Variants in NDST1 observed in about 807,000 individuals in gnomAD.
NDST1 encodes N-deacetylase and N-sulfotransferase 1.
NDST1 carries 35 observed loss-of-function variants against 92.8 expected under a neutral mutation model. The ratio of observed to expected loss-of-function variants is 0.38; its 90% CI spans 0.29 to 0.50. The LOEUF (loss-of-function observed/expected upper bound fraction) is 0.50, where lower values mean the gene tolerates loss of function less well. NDST1 is among the 20% of genes least tolerant of loss of function. NDST1 has a pLI of 0.94. For missense variants in NDST1, 822 were observed against 1,182.7 expected (o/e 0.69, Z 4.47); for synonymous variants, 493 against 500.3 (o/e 0.99, Z 0.19).
At chr5:150,537,883 C>G (rs1429209336) in intron 6 of NDST1, among the ~76,000 whole-genome samples, 1 of 152,202 alleles carries the variant, frequency 6.6e-6, no homozygotes, top group Admixed American at 6.5e-5. Flanking sequence ...CTTTATTTCT[C>G]AGACTGACAG....
chr5:150,507,301 G>A (rs527579255), upstream of NDST1, among the ~76,000 whole-genome samples: 9 of 151,834 alleles, frequency 5.9e-5, no homozygotes, highest in Non-Finnish European at 1.2e-4. Context: ...CTCAGAGCCT[G>A]CAGTTCTACT....
intron 4 of NDST1, 85 bp downstream of exon 4, chr5:150,533,117 G>A: frequency 7.4e-7 from 1 of 1,358,648 alleles, no homozygotes. Context: ...CATGAGGGCA[G>A]CGGGTGGGTT....
intron 1 of NDST1, among the ~76,000 whole-genome samples, chr5:150,511,041 A>C (rs943259539): frequency 2.0e-5 from 3 of 151,824 alleles, no homozygotes; most frequent in African/African-American, 7.3e-5. Flanking sequence ...GTTCCCATTC[A>C]CCCCCTTATT....
intron 5 of NDST1, 55 bp downstream of exon 5, chr5:150,535,076 G>A (rs1237551160): frequency 3.2e-6 from 5 of 1,574,376 alleles, no homozygotes; most frequent in African/African-American, 1.3e-5. Flanking sequence ...TGGGCTGGAG[G>A]TCCAGACTGC....
chr5:150,504,836 G>T (rs2151240273), upstream of NDST1, among the ~76,000 whole-genome samples: 1 of 152,316 alleles, frequency 6.6e-6, no homozygotes, highest in South Asian at 2.1e-4. Context: ...CTCAGAAATG[G>T]TCATCATTGT....
intron 1 of NDST1, among the ~76,000 whole-genome samples, chr5:150,509,322 T>G (rs1465258843): frequency 6.6e-6 from 1 of 152,164 alleles, no homozygotes; most frequent in Non-Finnish European, 1.5e-5. Flanking sequence ...TTGTTTTTAC[T>G]TCACTGGGCA....
rs1755794023 is a variant in NDST1, at chr5:150,553,129, C to G, written c.2530-84C>G. The G allele has an allele frequency of 1.4e-6, 2 of 1,463,820 alleles. No individual in the cohort carries two copies. Among genetic ancestry groups the G allele is most frequent in the Non-Finnish European group, 1.9e-6 (2 of 1,060,892 alleles). The allele number at this position is 1,463,820 out of a possible 1,614,324, so 90.7% of individuals were successfully genotyped here. A position where few individuals can be genotyped will look rare whatever the true frequency, so the allele number is the denominator to read the frequency against. Reference sequence around the variant, plus strand: ...GTGCTGGGATTACAGGCATGAGCCACCGTGCCCGGCCGAGCATGGCGATTT... The same window carrying G: ...GTGCTGGGATTACAGGCATGAGCCAGCGTGCCCGGCCGAGCATGGCGATTT... On this transcript the variant is annotated intron_variant, in intron 14 of 14. Transcript: ENST00000261797. This position sits in a 1 kb window ranked among gnomAD's most constrained non-coding sequence, Gnocchi z 4.2.
chr5:150,517,863 C>T (rs1754052203), intron 1 of NDST1, among the ~76,000 whole-genome samples: 1 of 152,260 alleles, frequency 6.6e-6, no homozygotes, highest in Non-Finnish European at 1.5e-5. Context: ...CCTCCGCTTC[C>T]ATGGGATTGG....
intron 1 of NDST1, among the ~76,000 whole-genome samples, chr5:150,509,817 C>G (rs1345412966): frequency 2.0e-5 from 3 of 152,180 alleles, no homozygotes; most frequent in Admixed American, 6.5e-5. Context: ...CCGCCATCCC[C>G]CTTTCTTATA....
intron 1 of NDST1, among the ~76,000 whole-genome samples, chr5:150,499,715 G>A (rs868282536): frequency 3.3e-5 from 5 of 152,182 alleles, no homozygotes; most frequent in Non-Finnish European, 7.3e-5. Context: ...CTCTGCCTGC[G>A]TAGCCACTGA....
At chr5:150,541,200 A>G (rs1462595245) in intron 8 of NDST1, among the ~76,000 whole-genome samples, 1 of 152,244 alleles carries the variant, frequency 6.6e-6, no homozygotes, top group African/African-American at 2.4e-5. Context: ...AGTAGTTGCA[A>G]TGGAAACTTC....
At chr5:150,532,832 T>G in intron 3 of NDST1, 113 bp from the exon 4 acceptor site, 3 of 1,002,122 alleles carry the variant, frequency 3.0e-6, no homozygotes, top group Admixed American at 1.7e-5. Context: ...GTCCTTGACA[T>G]TCTTTATAAT....
In NDST1 at chr5:150,528,057, C is replaced by T; in HGVS notation, c.767C>T (p.Ala256Val). Residue 256 changes from alanine (A) to valine (V), a missense_variant, in exon 3 of 15, where the codon GCC becomes GTC. Physicochemically the swap from Ala to Val is moderately conservative, Grantham distance 64 (BLOSUM62 0). Transcript: ENST00000261797. ...TCCATCCCACACCTGGGCGCAGACG[C>T]CGGCCTGCATGCTGCACTGCACGCC... ...SESIPHLGAD[A>V]GLHAALHATV... 2 of 1,613,680 alleles carry T rather than the reference C, an allele frequency of 1.2e-6. No individual in the cohort carries two copies. The highest frequency in any genetic ancestry group is 1.7e-6 in the Non-Finnish European group (2 of 1,179,788).
At chr5:150,501,613 G>A (rs920228806) in intron 1 of NDST1, among the ~76,000 whole-genome samples, 2 of 152,200 alleles carry the variant, frequency 1.3e-5, no homozygotes, top group African/African-American at 2.4e-5. Context: ...GTGTTCAGAT[G>A]AGGGAGACAA....
At chr5:150,519,759 A>C (rs916857395) in intron 1 of NDST1, among the ~76,000 whole-genome samples, 4 of 151,846 alleles carry the variant, frequency 2.6e-5, no homozygotes, top group Non-Finnish European at 4.4e-5. Context: ...TGACTTCATT[A>C]CTATTTAAGG....
At chr5:150,517,631 C>T (rs989294266) in intron 1 of NDST1, among the ~76,000 whole-genome samples, 12 of 152,202 alleles carry the variant, frequency 7.9e-5, no homozygotes, top group African/African-American at 1.2e-4. Context: ...TTCTTTGCTC[C>T]GCTGATTCAT....
rs1755899806 is a variant in NDST1, at chr5:150,557,775, A to T, written c.*4443A>T. The T allele has an allele frequency of 6.6e-6, 1 of 152,498 alleles. No individual in the cohort carries two copies. Among genetic ancestry groups the T allele is most frequent in the Non-Finnish European group, 1.5e-5 (1 of 68,026 alleles). The allele number at this position is 152,498 out of a possible 1,614,324, so 9.4% of individuals were successfully genotyped here. ...CGGCTGGCGAGTTTTCAGCTTCCCT[A>T]AGGGACTGGCATAGGGTTTTGTGGG... On this transcript the variant is annotated 3_prime_UTR_variant, in exon 15 of 15. Transcript: ENST00000261797. The surrounding 1 kb of genome is among the most constrained non-coding windows in gnomAD (Gnocchi z 4.7).
chr5:150,522,200 C>T (rs1317435764), intron 2 of NDST1, among the ~76,000 whole-genome samples: 1 of 151,870 alleles, frequency 6.6e-6, no homozygotes, highest in Non-Finnish European at 1.5e-5. Flanking sequence ...GTGGAGAAGC[C>T]GAGATTTGAA....
intron 3 of NDST1, among the ~76,000 whole-genome samples, chr5:150,531,229 C>G (rs1026791210): frequency 6.6e-6 from 1 of 152,162 alleles, no homozygotes; most frequent in Non-Finnish European, 1.5e-5. Flanking sequence ...TTGTGCTTAG[C>G]CCTTTCTGGC....
Sources: allele counts gnomAD v4.1 joint callset (sites outside exome capture counted in the v4.1 genomes callset), GRCh38; gene constraint gnomAD v4.1.1; non-coding constraint Gnocchi (gnomAD v3.1); transcripts MANE v1.5; gene names NCBI Gene and HGNC (gene_info 2026-07-23, HGNC 2026-07-21).